The following GFRA1 variants were observed in gnomAD, a reference collection of about 807,000 sequenced individuals.
The protein encoded by GFRA1 is GDNF family receptor alpha 1, also known as GDNF family receptor alpha-1.
In GFRA1, 16 loss-of-function variants were observed where a neutral mutation model predicts 51.6. The observed-to-expected ratio is 0.31, with a 90% CI of 0.21 to 0.47. The LOEUF (loss-of-function observed/expected upper bound fraction) is 0.47, where lower values mean the gene tolerates loss of function less well. Among genes scored for constraint, GFRA1 ranks in the 20% least tolerant of loss-of-function variants. The probability of loss-of-function intolerance (pLI) is 1.00; values close to 1 mark genes in which losing one functional copy is unlikely to be tolerated. For synonymous variants in GFRA1, 270 were observed against 241.3 expected (o/e 1.12, Z -1.10); for missense variants, 530 against 594.3 (o/e 0.89, Z 1.13).
At chr10:116,137,536 C>T (rs1168373919) in intron 5 of GFRA1, among the ~76,000 whole-genome samples, 2 of 152,194 alleles carry the variant, frequency 1.3e-5, no homozygotes, top group Admixed American at 6.5e-5. Context: ...GTGGCTTTTA[C>T]CGTCACCACA....
chr10:116,197,163 C>A (rs758098929), intron 5 of GFRA1, among the ~76,000 whole-genome samples: 1 of 151,926 alleles, frequency 6.6e-6, no homozygotes, highest in African/African-American at 2.4e-5. Flanking sequence ...ACCTAATCAC[C>A]GAGGCAACAG....
intron 4 of GFRA1, among the ~76,000 whole-genome samples, chr10:116,267,157 T>C (rs545523455): frequency 1.3e-5 from 2 of 151,636 alleles, no homozygotes; most frequent in African/African-American, 4.8e-5. Flanking sequence ...GAAAAGTTTT[T>C]AAAAAAATAA....
At chr10:116,226,761 C>T in intron 4 of GFRA1, 1 of 419,976 alleles carries the variant, frequency 2.4e-6, no homozygotes. Context: ...GAACCAGTGG[C>T]AGCCCTGACC....
At chr10:116,112,673 G>C (rs1203987358) in intron 6 of GFRA1, among the ~76,000 whole-genome samples, 2 of 152,196 alleles carry the variant, frequency 1.3e-5, no homozygotes, top group African/African-American at 2.4e-5. Flanking sequence ...CATCTACAAA[G>C]GAGCTGTCAG....
Position 116,164,322 on chromosome 10 carries a change from T to TAA in GFRA1, c.434-38767_434-38766dup, listed in dbSNP as rs11409663. Reference sequence around the variant, plus strand: ...GTACTTGCCAAGTTCTGCATTTTCCTAAAAAAAAAAAAACCCAATCCAACA... The same window carrying TAA: ...GTACTTGCCAAGTTCTGCATTTTCCTAAAAAAAAAAAAAAACCCAATCCAACA... On this transcript the variant is annotated intron_variant, in intron 5 of 10. Coordinates refer to ENST00000355422, the MANE Select transcript of GFRA1 (RefSeq NM_005264.8). 6.5e-3 allele frequency among the ~76,000 whole-genome samples: 946 copies of TAA among 146,352 alleles called. 2 individuals carry two copies. Among genetic ancestry groups the TAA allele is most frequent in the Non-Finnish European group, 8.2e-3 (543 of 66,544 alleles).
At chr10:116,194,012 C>A (rs1963502971) in intron 5 of GFRA1, among the ~76,000 whole-genome samples, 1 of 149,124 alleles carries the variant, frequency 6.7e-6, no homozygotes, top group Non-Finnish European at 1.5e-5. Context: ...GTACTCCAGC[C>A]TGGGCCACAG....
chr10:116,063,239 T>C lies in GFRA1; in HGVS notation c.*1159A>G, dbSNP rs1954910800. On this transcript the variant is annotated 3_prime_UTR_variant, in exon 11 of 11. Transcript: ENST00000355422. ...GTGTGTCAAGAGATGCTGCAGAACATTTACAAGCAGCCACCAGTTCCCTCC... is the reference window on the plus strand; with the variant it reads ...GTGTGTCAAGAGATGCTGCAGAACACTTACAAGCAGCCACCAGTTCCCTCC... The C allele has an allele frequency of 6.6e-6, 1 of 152,190 alleles. No homozygotes were observed. Among genetic ancestry groups the C allele is most frequent in the Non-Finnish European group, 1.5e-5 (1 of 68,044 alleles). 9.4% of individuals were successfully genotyped at this position (152,190 alleles called of 1,614,324 possible).
At chr10:116,191,149 A>G (rs1213303171) in intron 5 of GFRA1, among the ~76,000 whole-genome samples, 1 of 152,194 alleles carries the variant, frequency 6.6e-6, no homozygotes, top group Non-Finnish European at 1.5e-5. Context: ...CTACTGGGAG[A>G]CATTTGTTGA....
At chr10:116,105,228 G>A (rs1956963136) in intron 6 of GFRA1, among the ~76,000 whole-genome samples, 1 of 152,222 alleles carries the variant, frequency 6.6e-6, no homozygotes, top group Non-Finnish European at 1.5e-5. Flanking sequence ...CTCTTTAAGA[G>A]TAAACCTTAT....
intron 4 of GFRA1, among the ~76,000 whole-genome samples, chr10:116,218,061 G>A (rs1467020483): frequency 1.3e-5 from 2 of 152,108 alleles, no homozygotes; most frequent in Non-Finnish European, 2.9e-5. Flanking sequence ...TATTACCTAT[G>A]AATGGATTAT....
chr10:116,139,228 T>C (rs192378374), intron 5 of GFRA1, among the ~76,000 whole-genome samples: 13 of 152,354 alleles, frequency 8.5e-5, no homozygotes, highest in African/African-American at 2.6e-4. Context: ...ACCAACCTAA[T>C]AGAACGTGGC....
intron 5 of GFRA1, among the ~76,000 whole-genome samples, chr10:116,203,069 T>C (rs1268889957): frequency 6.6e-6 from 1 of 151,950 alleles, no homozygotes; most frequent in South Asian, 2.1e-4. Context: ...TGAAGGCAGG[T>C]ATCAGGGCTC....
intron 9 of GFRA1, among the ~76,000 whole-genome samples, chr10:116,084,842 T>C (rs1487114583): frequency 6.6e-6 from 1 of 150,914 alleles, no homozygotes; most frequent in East Asian, 2.0e-4. Context: ...CCTGAGCTTT[T>C]TCCAGCTACC....
intron 7 of GFRA1, among the ~76,000 whole-genome samples, chr10:116,094,860 G>T (rs1017319793): frequency 1.3e-5 from 2 of 152,184 alleles, no homozygotes; most frequent in Admixed American, 1.3e-4. Flanking sequence ...AAAGGAACAG[G>T]CACCCTGAAC....
At chr10:116,158,330 T>A (rs925433523) in intron 5 of GFRA1, among the ~76,000 whole-genome samples, 7 of 152,130 alleles carry the variant, frequency 4.6e-5, no homozygotes, top group African/African-American at 1.7e-4. Context: ...AAATAGATTG[T>A]AAACTCCATG....
In GFRA1 at chr10:116,064,414, A is replaced by AAAGAT; in HGVS notation, c.1377_1381dup (p.Leu461TyrfsTer3). 6.2e-7 allele frequency: 1 copy of AAAGAT among 1,612,474 alleles called. No homozygotes were observed. The highest frequency in any genetic ancestry group is 8.5e-7 in the Non-Finnish European group (1 of 1,179,744). ...TTAATGCAGCTATGATGTTTCTGTT[A>AAAGAT]AAGATAATAGGGTGGACAGAGCGGT... On this transcript the variant is annotated frameshift_variant, in exon 11 of 11. Transcript: ENST00000355422. LOFTEE classifies it high-confidence loss of function.
chr10:116,248,383 G>T (rs1393575697), intron 4 of GFRA1, among the ~76,000 whole-genome samples: 1 of 152,150 alleles, frequency 6.6e-6, no homozygotes, highest in Non-Finnish European at 1.5e-5. Context: ...TTTTTCTGGA[G>T]CCTTACAGGG....
At chr10:116,203,606 A>G (rs916199570) in intron 5 of GFRA1, among the ~76,000 whole-genome samples, 1 of 152,142 alleles carries the variant, frequency 6.6e-6, no homozygotes, top group Non-Finnish European at 1.5e-5. Flanking sequence ...ACAGACAAAC[A>G]TGCTCAACCA....
At chr10:116,176,953 T>C (rs1338459541) in intron 5 of GFRA1, among the ~76,000 whole-genome samples, 1 of 152,158 alleles carries the variant, frequency 6.6e-6, no homozygotes. Context: ...TTTAAGCTGG[T>C]CTTGAAGAAT....
Sources: gnomAD v4.1 joint callset for allele counts (sites outside exome capture counted in the v4.1 genomes callset) on GRCh38, gnomAD v4.1.1 for gene constraint, MANE v1.5 for transcripts, NCBI Gene and HGNC (gene_info 2026-07-23, HGNC 2026-07-21) for gene names.